Variants in NRG3 observed in about 807,000 individuals in gnomAD.
NRG3 encodes the protein pro-neuregulin-3, membrane-bound isoform.
Under a neutral mutation model 66.9 loss-of-function variants are expected in NRG3, and 31 were observed. The ratio of observed to expected loss-of-function variants is 0.46; its 90% confidence interval spans 0.35 to 0.63. The LOEUF (loss-of-function observed/expected upper bound fraction) is 0.63, where lower values mean the gene tolerates loss of function less well. Among genes scored for constraint, NRG3 ranks in the 20% least tolerant of loss-of-function variants. The pLI is 0.00. For synonymous variants in NRG3, 393 were observed against 359.4 expected, an observed-to-expected ratio of 1.09 and a Z score of -1.06; for missense variants, 910 against 878.9, an observed-to-expected ratio of 1.04 and a Z score of -0.45.
At chr10:82,730,149 G>T (rs911331029) in intron 2 of NRG3, among the ~76,000 whole-genome samples, 6 of 147,426 alleles carry the variant, frequency 4.1e-5, no homozygotes, top group Non-Finnish European at 8.9e-5. Context: ...GCAGGGGGTC[G>T]ATCTCGGCCA....
intron 2 of NRG3, among the ~76,000 whole-genome samples, chr10:82,496,275 A>G (rs369798206): frequency 1.3e-5 from 2 of 152,188 alleles, no homozygotes; most frequent in Non-Finnish European, 2.9e-5. Context: ...AACACCTCTC[A>G]CTGCCAGTAC....
intron 1 of NRG3, among the ~76,000 whole-genome samples, chr10:82,184,028 G>A (rs2073627168): frequency 6.6e-6 from 1 of 152,030 alleles, no homozygotes; most frequent in Non-Finnish European, 1.5e-5. Flanking sequence ...GAGCAATTAG[G>A]TAAGCAAATA....
intron 1 of NRG3, among the ~76,000 whole-genome samples, chr10:82,332,360 C>A (rs1235198207): frequency 6.6e-6 from 1 of 152,158 alleles, no homozygotes; most frequent in Admixed American, 6.5e-5. Context: ...CATGGGGAAC[C>A]AGGGTAATGG....
At chr10:82,331,606 A>C (rs1327412381) in intron 1 of NRG3, among the ~76,000 whole-genome samples, 1 of 152,316 alleles carries the variant, frequency 6.6e-6, no homozygotes, top group Admixed American at 6.5e-5. Flanking sequence ...GAAGGAAAAA[A>C]AAATTATGTT....
At chr10:82,404,775 T>C (rs1564884140) in intron 2 of NRG3, among the ~76,000 whole-genome samples, 1 of 152,164 alleles carries the variant, frequency 6.6e-6, no homozygotes, top group Non-Finnish European at 1.5e-5. Flanking sequence ...TGCGCTATAA[T>C]GAACATGGTT....
At chr10:82,725,301 G>T (rs1195032571) in intron 2 of NRG3, among the ~76,000 whole-genome samples, 1 of 152,168 alleles carries the variant, frequency 6.6e-6, no homozygotes, top group Non-Finnish European at 1.5e-5. Flanking sequence ...TCAGAAACCT[G>T]CACCTAACAT....
intron 2 of NRG3, among the ~76,000 whole-genome samples, chr10:82,600,198 G>GT (rs1205651483): frequency 3.3e-5 from 5 of 152,102 alleles, no homozygotes; most frequent in African/African-American, 4.8e-5. Context: ...TTCAATAGCT[G>GT]TAAGTATCAG....
chr10:82,692,574 A>G (rs1056484349), intron 2 of NRG3, among the ~76,000 whole-genome samples: 6 of 152,190 alleles, frequency 3.9e-5, no homozygotes, highest in African/African-American at 9.6e-5. Flanking sequence ...CCACCTCCCA[A>G]ATTGAATACC....
At chr10:82,084,773 G>T (rs992975256) in intron 1 of NRG3, among the ~76,000 whole-genome samples, 2 of 152,048 alleles carry the variant, frequency 1.3e-5, no homozygotes, top group African/African-American at 2.4e-5. Context: ...CTCTGAGTTA[G>T]TTCCAGGATA....
intron 2 of NRG3, among the ~76,000 whole-genome samples, chr10:82,613,919 T>G (rs1271617390): frequency 6.7e-6 from 1 of 148,624 alleles, no homozygotes; most frequent in African/African-American, 2.5e-5. Context: ...TTATTTATTT[T>G]TGAGACAGAG....
intron 1 of NRG3, among the ~76,000 whole-genome samples, chr10:82,285,928 A>G (rs1328581958): frequency 2.0e-5 from 3 of 152,222 alleles, no homozygotes; most frequent in Non-Finnish European, 4.4e-5. Context: ...TTGTTAGAAG[A>G]ATATTAAGAA....
chr10:82,052,076 A>C (rs1247221549), intron 1 of NRG3, among the ~76,000 whole-genome samples: 1 of 150,256 alleles, frequency 6.7e-6, no homozygotes, highest in Non-Finnish European at 1.5e-5. Flanking sequence ...ATTTTCTGGC[A>C]ATGTATGACA....
intron 8 of NRG3, among the ~76,000 whole-genome samples, chr10:82,983,013 A>G (rs901405032): frequency 3.9e-5 from 6 of 152,204 alleles, no homozygotes; most frequent in Non-Finnish European, 7.3e-5. Flanking sequence ...GTCATGCCAC[A>G]TAGTTGACTT....
At chr10:82,301,428 G>A (rs1407077499) in intron 1 of NRG3, among the ~76,000 whole-genome samples, 1 of 151,918 alleles carries the variant, frequency 6.6e-6, no homozygotes, top group Admixed American at 6.6e-5. Flanking sequence ...ACTGTTGCAG[G>A]CACGACAGCA....
chr10:82,226,489 A>G (rs957487663), intron 1 of NRG3, among the ~76,000 whole-genome samples: 5 of 152,100 alleles, frequency 3.3e-5, no homozygotes, highest in African/African-American at 1.2e-4. Context: ...CCTATTAGCT[A>G]TTTGAACACT....
chr10:82,352,085 T>G (rs1018159826), intron 1 of NRG3, among the ~76,000 whole-genome samples: 1 of 152,210 alleles, frequency 6.6e-6, no homozygotes, highest in Non-Finnish European at 1.5e-5. Flanking sequence ...TAGTTAAAAG[T>G]CCATAATTTA....
chr10:82,850,713 C>CAAAA (rs5786576), intron 3 of NRG3, among the ~76,000 whole-genome samples: 1 of 137,866 alleles, frequency 7.3e-6, no homozygotes, highest in African/African-American at 2.5e-5. Context: ...TTTTTAAGAG[C>CAAAA]AAAAAAAAAA....
At chr10:82,290,342 C>A (rs187461162) in intron 1 of NRG3, among the ~76,000 whole-genome samples, 16 of 152,300 alleles carry the variant, frequency 1.1e-4, no homozygotes, top group African/African-American at 3.8e-4. Flanking sequence ...GCATTATAAA[C>A]ATGAAGTTTT....
intron 3 of NRG3, among the ~76,000 whole-genome samples, chr10:82,767,880 T>C (rs2059576765): frequency 6.6e-6 from 1 of 151,816 alleles, no homozygotes; most frequent in Non-Finnish European, 1.5e-5. Flanking sequence ...CTGTTCTCTC[T>C]CTCTCTCTCT....
Sources: allele counts gnomAD v4.1 joint callset (sites outside exome capture counted in the v4.1 genomes callset), GRCh38; gene constraint gnomAD v4.1.1; transcripts MANE v1.5; gene names NCBI Gene and HGNC (gene_info 2026-07-23, HGNC 2026-07-21).